LRP3: variants seen among roughly 807,000 people sequenced by gnomAD.
LRP3 encodes LDL receptor related protein 3, also known as low-density lipoprotein receptor-related protein 3.
A neutral mutation model predicts 58.5 loss-of-function variants in LRP3; 49 were observed. That is an observed-to-expected ratio of 0.84 (90% CI 0.67 to 1.06). LRP3 has a LOEUF of 1.06. Ranked by LOEUF, LRP3 falls within the 50% of genes least tolerant of loss-of-function variation. The pLI is 0.00. For synonymous variants in LRP3, 485 were observed against 492.2 expected (o/e 0.99, Z 0.20); for missense variants, 1,019 against 1,134.2 (o/e 0.90, Z 1.46).
Position 33,194,823 on chromosome 19 carries a change from C to T in LRP3, c.38C>T (p.Pro13Leu). The change falls in exon 1 of 7, where the codon CCG (proline) becomes CTG (leucine). Residue 13 changes from proline (P) to leucine (L), a missense_variant. Physicochemically the swap from Pro to Leu is moderately conservative, Grantham distance 98 (BLOSUM62 -3). This residue lies in a region of LRP3 where 592 missense variants were observed against 725.5 expected (regional missense o/e 0.82). Coordinates refer to ENST00000253193, the MANE Select transcript of LRP3 (RefSeq NM_002333.4). The part of the protein sequence containing the change: ...KRAAAGLEGA[P>L]GARAQLAVVC... Reference sequence around the variant, plus strand: ...GCGGCCGCGGGGCTGGAGGGCGCGCCGGGCGCCCGGGCGCAGCTGGCCGTC... The same window carrying T: ...GCGGCCGCGGGGCTGGAGGGCGCGCTGGGCGCCCGGGCGCAGCTGGCCGTC... 9.1e-7 allele frequency: 1 copy of T among 1,094,062 alleles called. No individual in the cohort carries two copies. 67.8% of individuals were successfully genotyped at this position (1,094,062 alleles called of 1,614,324 possible). A position where few individuals can be genotyped will look rare whatever the true frequency, so the allele number is the denominator to read the frequency against.
intron 1 of LRP3, 41 bp from the exon 2 acceptor site, chr19:33,196,689 G>C (rs775511081): frequency 2.5e-6 from 4 of 1,591,150 alleles, no homozygotes; most frequent in East Asian, 2.2e-5. Flanking sequence ...GTCCCCAGCA[G>C]GTATGTGGGA....
In LRP3 at chr19:33,208,570, C is replaced by T. The variant is rs912832111; in HGVS notation, c.*995C>T. On this transcript the variant is annotated 3_prime_UTR_variant, in exon 7 of 7. Coordinates refer to ENST00000253193, the MANE Select transcript of LRP3 (RefSeq NM_002333.4). This position sits in a 1 kb window ranked among gnomAD's most constrained non-coding sequence, Gnocchi z 4.7. ...CAAGAGCCTCCTCCAGGGCCTGCCA[C>T]GGCATCTTCCTGGCCAGCAACATGT... 11 of 415,138 alleles carry T rather than the reference C, an allele frequency of 2.6e-5. No individual in the cohort carries two copies. The highest frequency in any genetic ancestry group is 1.9e-4 in the Admixed American group (5 of 26,850). The allele number at this position is 415,138 out of a possible 1,614,324, so 25.7% of individuals were successfully genotyped here.
At chr19:33,203,137 G>C in intron 3 of LRP3, 151 bp downstream of exon 3, 2 of 988,864 alleles carry the variant, frequency 2.0e-6, no homozygotes, top group South Asian at 3.2e-5. Context: ...ATGTGTGTGA[G>C]CATATGAGTG....
At position 33,207,850 on chromosome 19, in the gene LRP3, A is replaced by G; in HGVS notation, c.*275A>G. 3.9e-6 allele frequency: 2 copies of G among 509,592 alleles called. No homozygotes were observed. Among genetic ancestry groups the G allele is most frequent in the South Asian group, 5.2e-5 (2 of 38,750 alleles). The allele number at this position is 509,592 out of a possible 1,614,324, so 31.6% of individuals were successfully genotyped here. On this transcript the variant is annotated 3_prime_UTR_variant, in exon 7 of 7. Coordinates refer to ENST00000253193, the MANE Select transcript of LRP3 (RefSeq NM_002333.4). The stretch of plus-strand genomic sequence containing the variant: ...TCTCTCCCCCCACTCCATTCTGGGA[A>G]CCCATTTCCAGAGAAGCAGGGGACC...
At position 33,207,752 on chromosome 19, in the gene LRP3, C is replaced by CA. The variant is rs1568385350; in HGVS notation, c.*177_*178insA. On this transcript the variant is annotated 3_prime_UTR_variant, in exon 7 of 7. Transcript: ENST00000253193. ...GGGCGGGAGCTGTGGGACTGAACGG[C>CA]GGGGGGGAGAAGAGTGGAGTGGTGA... 21 of 563,464 alleles carry CA rather than the reference C, an allele frequency of 3.7e-5. No homozygotes were observed. Among genetic ancestry groups the CA allele is most frequent in the Middle Eastern group, 4.6e-4 (1 of 2,174 alleles). The allele number at this position is 563,464 out of a possible 1,614,324, so 34.9% of individuals were successfully genotyped here.
In LRP3 at chr19:33,194,698, G is replaced by A. The variant is rs1294301252; in HGVS notation, c.-88G>A. On this transcript the variant is annotated 5_prime_UTR_variant, in exon 1 of 7. Transcript: ENST00000253193. ...CCTAGCCCGAGCCCGAGCCCGAGCC[G>A]CAGCCAGAGCCAGAGCCGGAGCCGC... 5.3e-5 allele frequency: 19 copies of A among 355,546 alleles called. No individual in the cohort carries two copies. Among genetic ancestry groups the A allele is most frequent in the South Asian group, 1.0e-4 (1 of 9,636 alleles). The allele number at this position is 355,546 out of a possible 1,614,324, so 22.0% of individuals were successfully genotyped here. A position where few individuals can be genotyped will look rare whatever the true frequency, so the allele number is the denominator to read the frequency against.
At chr19:33,206,579 G>T (rs1344102001) in intron 5 of LRP3, 22 bp from the exon 6 acceptor site, 8 of 1,602,454 alleles carry the variant, frequency 5.0e-6, no homozygotes, top group Middle Eastern at 1.7e-4. Flanking sequence ...CAGTCATGTC[G>T]CCCTCCGCCC....
At chr19:33,202,091 G>A (rs1027880021) in intron 2 of LRP3, among the ~76,000 whole-genome samples, 2 of 152,206 alleles carry the variant, frequency 1.3e-5, no homozygotes, top group African/African-American at 4.8e-5. Flanking sequence ...CCCCAGGCAA[G>A]TCGCTGACCC....
intron 4 of LRP3, 86 bp from the exon 5 acceptor site, chr19:33,205,160 C>G: frequency 7.0e-7 from 1 of 1,437,214 alleles, no homozygotes; most frequent in Non-Finnish European, 9.5e-7. Flanking sequence ...TGGGGAACCA[C>G]CTGCCCGCTT....
chr19:33,199,545 G>A (rs1317938410), intron 2 of LRP3, among the ~76,000 whole-genome samples: 1 of 151,176 alleles, frequency 6.6e-6, no homozygotes, highest in Non-Finnish European at 1.5e-5. Flanking sequence ...CCTCCCTCCT[G>A]CCTCCCATCC....
At chr19:33,196,157 A>T (rs1025663208) in intron 1 of LRP3, among the ~76,000 whole-genome samples, 29 of 152,244 alleles carry the variant, frequency 1.9e-4, no homozygotes, top group Middle Eastern at 3.4e-3. Flanking sequence ...TTCCGTCACT[A>T]GCTGCGTGCC....
intron 2 of LRP3, among the ~76,000 whole-genome samples, chr19:33,196,988 C>T (rs1376947868): frequency 6.6e-6 from 1 of 152,200 alleles, no homozygotes; most frequent in Non-Finnish European, 1.5e-5. Flanking sequence ...ACAAGGTCTA[C>T]TCAAAACCTG....
intron 2 of LRP3, among the ~76,000 whole-genome samples, chr19:33,199,555 C>T (rs1227111750): frequency 6.6e-6 from 1 of 152,200 alleles, no homozygotes; most frequent in Non-Finnish European, 1.5e-5. Flanking sequence ...GCCTCCCATC[C>T]CCTCTGCATG....
At position 33,208,421 on chromosome 19, in the gene LRP3, A is replaced by G. The variant is rs566789793; in HGVS notation, c.*846A>G. ...CCTGGGTGGCCGAGCTCAGACTGGC[A>G]TCGAGGGGCCTGGGGTAGGGGCGGA... On this transcript the variant is annotated 3_prime_UTR_variant, in exon 7 of 7. Transcript: ENST00000253193. This position sits in a 1 kb window ranked among gnomAD's most constrained non-coding sequence, Gnocchi z 4.7. The G allele has an allele frequency of 5.7e-5, 12 of 210,028 alleles. No homozygotes were observed. The highest frequency in any genetic ancestry group is 1.2e-4 in the Non-Finnish European group (12 of 103,214). The allele number at this position is 210,028 out of a possible 1,614,324, so 13.0% of individuals were successfully genotyped here.
chr19:33,198,386 G>A (rs1974307349), intron 2 of LRP3, among the ~76,000 whole-genome samples: 4 of 152,142 alleles, frequency 2.6e-5, no homozygotes, highest in Admixed American at 1.3e-4. Flanking sequence ...CGCCCAGCGC[G>A]CAAGGCCATG....
Position 33,204,717 on chromosome 19 carries a change from C to A in LRP3, c.340C>A (p.Gln114Lys). The change falls in exon 4 of 7, where the codon CAG (glutamine) becomes AAG (lysine). Residue 114 changes from glutamine to lysine, a missense_variant. This residue lies in a region of LRP3 where 592 missense variants were observed against 725.5 expected (regional missense o/e 0.82). Coordinates refer to ENST00000253193, the MANE Select transcript of LRP3 (RefSeq NM_002333.4). ...GCTGGGCCCAGCAGCCCCACCCCGC[C>A]AGGAGGCCTTCCGCCTCTGTGGCTC... Reference protein sequence around the residue: ...LLLGPAAPPRQEAFRLCGSAI... With the variant: ...LLLGPAAPPRKEAFRLCGSAI... 6.2e-7 allele frequency: 1 copy of A among 1,611,096 alleles called. No homozygotes were observed. Among genetic ancestry groups the A allele is most frequent in the Non-Finnish European group, 8.5e-7 (1 of 1,179,928 alleles).
chr19:33,202,927 G>A lies in LRP3; in HGVS notation c.201G>A (p.Pro67=), dbSNP rs1284169882. Residue 67 remains proline, a synonymous_variant, in exon 3 of 7, where the codon CCG becomes CCA. Transcript: ENST00000253193. ...GCCCGGCCTGGCCCCTCAACTACCC[G>A]CCAGGCACCAACTGCAGCTGGTACA... is the stretch of plus-strand genomic sequence containing the variant. ...IYSPAWPLNY[P]PGTNCSWYIQ... is the part of the protein sequence containing the mutation. 11 of 1,612,024 alleles carry A rather than the reference G, an allele frequency of 6.8e-6. No homozygotes were observed. The highest frequency in any genetic ancestry group is 3.4e-6 in the Non-Finnish European group (4 of 1,179,268).
chr19:33,196,877 C>G, intron 2 of LRP3, 100 bp downstream of exon 2: 1 of 1,073,262 alleles, frequency 9.3e-7, no homozygotes, highest in Non-Finnish European at 1.4e-6. Flanking sequence ...ACCCCGAGTT[C>G]CTGTGTGCAT....
chr19:33,206,796 G>A, intron 6 of LRP3, 63 bp downstream of exon 6: 2 of 1,462,022 alleles, frequency 1.4e-6, no homozygotes, highest in South Asian at 2.8e-5. Context: ...GGAGGAGGCT[G>A]GTCCAGGGGT....
Sources: gnomAD v4.1 joint callset for allele counts (sites outside exome capture counted in the v4.1 genomes callset) on GRCh38, gnomAD v4.1.1 for gene constraint, gnomAD v4.1.1 regional missense constraint, Gnocchi (gnomAD v3.1) non-coding constraint, MANE v1.5 for transcripts, NCBI Gene and HGNC (gene_info 2026-07-23, HGNC 2026-07-21) for gene names.